ALPI: variants seen among roughly 807,000 people sequenced by gnomAD.
The protein encoded by ALPI is intestinal-type alkaline phosphatase.
Under a neutral mutation model 51.5 loss-of-function variants are expected in ALPI, and 50 were observed. The observed-to-expected ratio is 0.97, with a 90% CI of 0.77 to 1.23. The LOEUF (loss-of-function observed/expected upper bound fraction) is 1.23. ALPI is among the 50% of genes most tolerant of loss of function. The pLI, the probability that ALPI is intolerant of heterozygous loss-of-function variation, is 0.00. For synonymous variants in ALPI, 322 were observed against 308.2 expected (o/e 1.04, Z -0.47); for missense variants, 692 against 722.4 (o/e 0.96, Z 0.48).
chr2:232,457,005 G>A lies in ALPI; in HGVS notation c.407G>A (p.Arg136His), dbSNP rs780627683. ...FQTIGLSAAA[R>H]FNQCNTTRGN... ...ACCATCGGCTTGAGTGCAGCCGCCC[G>A]CTTTAACCAGTGCAACACGACACGC... is the stretch of plus-strand genomic sequence containing the variant. The change falls in exon 4 of 11, where the codon CGC becomes CAC. Residue 136 changes from arginine to histidine, a missense_variant. Coordinates refer to ENST00000295463, the MANE Select transcript of ALPI (RefSeq NM_001631.5). This position sits in a 1 kb window ranked among gnomAD's most constrained non-coding sequence, Gnocchi z 4.7. 18 of 1,613,422 alleles carry A rather than the reference G, an allele frequency of 1.1e-5. No individual in the cohort carries two copies. The Admixed American group carries it at 1.2e-4, about 10-fold the overall frequency.
chr2:232,460,682 A>G lies in ALPI; in HGVS notation c.*1536A>G, dbSNP rs1426908822. On this transcript the variant is annotated 3_prime_UTR_variant, in exon 11 of 11. Coordinates refer to ENST00000295463, the MANE Select transcript of ALPI (RefSeq NM_001631.5). The stretch of plus-strand genomic sequence containing the variant: ...AAAAAGCATCTTGCTTTTGCAAGAA[A>G]TAGTAACATCATTCAATATGCTTTC... Among the ~76,000 whole-genome samples, 1 of 152,264 alleles carries G rather than the reference A, an allele frequency of 6.6e-6. No individual in the cohort carries two copies. The highest frequency in any genetic ancestry group is 1.9e-4 in the East Asian group (1 of 5,208).
In ALPI at chr2:232,457,525, G is replaced by A. The variant is rs770181051; in HGVS notation, c.649-40G>A. The stretch of plus-strand genomic sequence containing the variant: ...TGCATGAGGAGGGGGCACGGGGCCA[G>A]CCAGGCCCCCAAACCACCTGCCCCA... On this transcript the variant is annotated intron_variant, in intron 5 of 10. Coordinates refer to ENST00000295463, the MANE Select transcript of ALPI (RefSeq NM_001631.5). This position sits in a 1 kb window ranked among gnomAD's most constrained non-coding sequence, Gnocchi z 4.7. The A allele has an allele frequency of 1.9e-6, 3 of 1,573,372 alleles. No homozygotes were observed. The highest frequency in any genetic ancestry group is 2.7e-5 in the African/African-American group (2 of 74,120).
chr2:232,457,310 C>A lies in ALPI; in HGVS notation c.636C>A (p.Asn212Lys). ...CQDIATQLIS[N>K]MDIDVILGGG... ...ACATCGCCACTCAGCTCATCTCCAA[C>A]ATGGACATTGACGTGCGACCCCCGG... Residue 212 changes from asparagine to lysine, a missense_variant, in exon 5 of 11, where the codon AAC becomes AAA. Transcript: ENST00000295463. This position sits in a 1 kb window ranked among gnomAD's most constrained non-coding sequence, Gnocchi z 4.7. 1 of 1,609,788 alleles carries A rather than the reference C, an allele frequency of 6.2e-7. No individual in the cohort carries two copies. Among genetic ancestry groups the A allele is most frequent in the Non-Finnish European group, 8.5e-7 (1 of 1,178,024 alleles).
In ALPI at chr2:232,458,365, C is replaced by T. The variant is rs780133392; in HGVS notation, c.1140C>T (p.Val380=). ...TCGTCACCGCTGACCACTCCCATGT[C>T]TTCTCCTTTGGTGGCTACACCTTGC... is the stretch of plus-strand genomic sequence containing the variant. ...LTLVTADHSH[V]FSFGGYTLRG... Residue 380 remains valine, a synonymous_variant, in exon 9 of 11, where the codon GTC becomes GTT. Transcript: ENST00000295463. The T allele has an allele frequency of 3.1e-6, 5 of 1,614,088 alleles. No homozygotes were observed. The highest frequency in any genetic ancestry group is 3.4e-6 in the Non-Finnish European group (4 of 1,180,030).
chr2:232,456,665 G>A lies in ALPI; in HGVS notation c.270G>A (p.Met90Ile). Residue 90 changes from methionine (M) to isoleucine (I), a missense_variant, in exon 3 of 11, where the codon ATG becomes ATA. Transcript: ENST00000295463. This position sits in a 1 kb window ranked among gnomAD's most constrained non-coding sequence, Gnocchi z 4.2. ...GKLGPETPLA[M>I]DRFPYLALSK... ...TGGGGCCTGAGACGCCCCTGGCCATGGACCGCTTCCCATACCTGGCTCTGT... is the reference window on the plus strand; with the variant it reads ...TGGGGCCTGAGACGCCCCTGGCCATAGACCGCTTCCCATACCTGGCTCTGT... 1 of 1,610,224 alleles carries A rather than the reference G, an allele frequency of 6.2e-7. No homozygotes were observed. Among genetic ancestry groups the A allele is most frequent in the Non-Finnish European group, 8.5e-7 (1 of 1,178,286 alleles).
Position 232,458,942 on chromosome 2 carries a change from C to T in ALPI, c.1383C>T (p.Arg461=), listed in dbSNP as rs368265920. Residue 461 remains arginine (R), a synonymous_variant, in exon 11 of 11, where the codon CGC becomes CGT. Transcript: ENST00000295463. ...GCGAAGACGTGGCGGTGTTTGCGCG[C>T]GGCCCGCAGGCGCACCTGGTGCATG... ...HGGEDVAVFA[R]GPQAHLVHGV... is the part of the protein sequence containing the mutation. The T allele has an allele frequency of 6.2e-6, 10 of 1,604,232 alleles. No homozygotes were observed. In the East Asian group the frequency reaches 6.8e-5, roughly 11 times the overall value.
At position 232,459,054 on chromosome 2, in the gene ALPI, G is replaced by T; in HGVS notation, c.1495G>T (p.Ala499Ser). 1 of 1,549,694 alleles carries T rather than the reference G, an allele frequency of 6.5e-7. No homozygotes were observed. Among genetic ancestry groups the T allele is most frequent in the South Asian group, 1.2e-5 (1 of 84,264 alleles). Residue 499 changes from alanine (A) to serine (S), a missense_variant, in exon 11 of 11, where the codon GCC becomes TCC. Ala to Ser is a moderately conservative substitution (Grantham distance 99). Coordinates refer to ENST00000295463, the MANE Select transcript of ALPI (RefSeq NM_001631.5). ...CACGGCCTGCGACCTGGCGCCTCCC[G>T]CCTGCACCACCGACGCCGCGCACCC... Reference protein sequence around the residue: ...PYTACDLAPPACTTDAAHPVA... With the variant: ...PYTACDLAPPSCTTDAAHPVA...
rs143617869 is a variant in ALPI, at chr2:232,457,612, A to G, written c.696A>G (p.Pro232=). The change falls in exon 6 of 11, where the codon CCA becomes CCG. Residue 232 remains proline (P), a synonymous_variant. Coordinates refer to ENST00000295463, the MANE Select transcript of ALPI (RefSeq NM_001631.5). This position sits in a 1 kb window ranked among gnomAD's most constrained non-coding sequence, Gnocchi z 4.7. ...AGTACATGTTTCCCATGGGGACCCC[A>G]GACCCTGAGTACCCAGCTGATGCCA... ...GRKYMFPMGT[P]DPEYPADASQ... is the part of the protein sequence containing the mutation. The G allele has an allele frequency of 6.2e-7, 1 of 1,613,904 alleles. No homozygotes were observed. Among genetic ancestry groups the G allele is most frequent in the African/African-American group, 1.3e-5 (1 of 74,938 alleles).
Position 232,456,681 on chromosome 2 carries a change from C to A in ALPI, c.286C>A (p.Leu96Met). ...TPLAMDRFPYLALSKTYNVDR... is the reference protein window; with the variant it reads ...TPLAMDRFPYMALSKTYNVDR... Reference sequence around the variant, plus strand: ...CCTGGCCATGGACCGCTTCCCATACCTGGCTCTGTCCAAGGTAAGGGCTGG... The same window carrying A: ...CCTGGCCATGGACCGCTTCCCATACATGGCTCTGTCCAAGGTAAGGGCTGG... The change falls in exon 3 of 11, where the codon CTG becomes ATG. Residue 96 changes from leucine (L) to methionine (M), a missense_variant. Leu to Met is a conservative substitution (Grantham distance 15). Coordinates refer to ENST00000295463, the MANE Select transcript of ALPI (RefSeq NM_001631.5). This position sits in a 1 kb window ranked among gnomAD's most constrained non-coding sequence, Gnocchi z 4.2. The A allele has an allele frequency of 6.2e-7, 1 of 1,604,850 alleles. No homozygotes were observed. The highest frequency in any genetic ancestry group is 2.2e-5 in the East Asian group (1 of 44,520).
chr2:232,460,489 T>A lies in ALPI; in HGVS notation c.*1343T>A, dbSNP rs1266788232. 6.6e-6 allele frequency among the ~76,000 whole-genome samples: 1 copy of A among 152,160 alleles called. No individual in the cohort carries two copies. Among genetic ancestry groups the A allele is most frequent in the Admixed American group, 6.5e-5 (1 of 15,272 alleles). Reference sequence around the variant, plus strand: ...GGGGAAGGAGCTGACTCCAGGTGTTTCTGACCTCCCTCTGAAAGTATTCTG... The same window carrying A: ...GGGGAAGGAGCTGACTCCAGGTGTTACTGACCTCCCTCTGAAAGTATTCTG... On this transcript the variant is annotated 3_prime_UTR_variant, in exon 11 of 11. Transcript: ENST00000295463.
Position 232,456,713 on chromosome 2 carries a change from T to C in ALPI, c.300+18T>C, listed in dbSNP as rs1690198749. 3 of 1,581,504 alleles carry C rather than the reference T, an allele frequency of 1.9e-6. No homozygotes were observed. Among genetic ancestry groups the C allele is most frequent in the Non-Finnish European group, 2.6e-6 (3 of 1,163,552 alleles). Reference sequence around the variant, plus strand: ...TGTCCAAGGTAAGGGCTGGGCCACCTCAGAGTCCTCCAAGCAGAGGAGAGG... The same window carrying C: ...TGTCCAAGGTAAGGGCTGGGCCACCCCAGAGTCCTCCAAGCAGAGGAGAGG... On this transcript the variant is annotated intron_variant, in intron 3 of 10. Transcript: ENST00000295463. The surrounding 1 kb of genome is among the most constrained non-coding windows in gnomAD (Gnocchi z 4.2).
Position 232,457,605 on chromosome 2 carries a change from G to C in ALPI, c.689G>C (p.Gly230Ala), listed in dbSNP as rs780434324. ...GGCCGCAAGTACATGTTTCCCATGG[G>C]GACCCCAGACCCTGAGTACCCAGCT... ...GGGRKYMFPM[G>A]TPDPEYPADA... The change falls in exon 6 of 11, where the codon GGG becomes GCG. Residue 230 changes from glycine to alanine, a missense_variant. Physicochemically the swap from Gly to Ala is moderately conservative, Grantham distance 60. Coordinates refer to ENST00000295463, the MANE Select transcript of ALPI (RefSeq NM_001631.5). The surrounding 1 kb of genome is among the most constrained non-coding windows in gnomAD (Gnocchi z 4.7). 1 of 1,613,932 alleles carries C rather than the reference G, an allele frequency of 6.2e-7. No individual in the cohort carries two copies.
chr2:232,457,126 G>T lies in ALPI; in HGVS notation c.476-24G>T, dbSNP rs2272422. 3.7e-6 allele frequency: 6 copies of T among 1,613,242 alleles called. No individual in the cohort carries two copies. Among genetic ancestry groups the T allele is most frequent in the Middle Eastern group, 1.7e-4 (1 of 6,060 alleles). On this transcript the variant is annotated intron_variant, in intron 4 of 10. Coordinates refer to ENST00000295463, the MANE Select transcript of ALPI (RefSeq NM_001631.5). This position sits in a 1 kb window ranked among gnomAD's most constrained non-coding sequence, Gnocchi z 4.7. ...GACCAGGCCCAAGATCTCGGTCACCGATCCTGACCTCTGTCACCCTCAGGA... is the reference window on the plus strand; with the variant it reads ...GACCAGGCCCAAGATCTCGGTCACCTATCCTGACCTCTGTCACCCTCAGGA...
chr2:232,460,302 G>A lies in ALPI; in HGVS notation c.*1156G>A, dbSNP rs1392857501. On this transcript the variant is annotated 3_prime_UTR_variant, in exon 11 of 11. Transcript: ENST00000295463. ...CTGAGGGGTCAGGAGAGTGGGGTGTGCATGGGGGACTGTGAAGTCTGGTTA... is the reference window on the plus strand; with the variant it reads ...CTGAGGGGTCAGGAGAGTGGGGTGTACATGGGGGACTGTGAAGTCTGGTTA... Among the ~76,000 whole-genome samples, 1 of 151,910 alleles carries A rather than the reference G, an allele frequency of 6.6e-6. No individual in the cohort carries two copies. Among genetic ancestry groups the A allele is most frequent in the Admixed American group, 6.6e-5 (1 of 15,264 alleles).
In ALPI at chr2:232,459,387, T is replaced by A; in HGVS notation, c.*241T>A. The A allele has an allele frequency of 1.8e-6, 1 of 551,052 alleles. No individual in the cohort carries two copies. The highest frequency in any genetic ancestry group is 3.1e-5 in the East Asian group (1 of 32,150). The allele number at this position is 551,052 out of a possible 1,614,324, so 34.1% of individuals were successfully genotyped here. A position where few individuals can be genotyped will look rare whatever the true frequency, so the allele number is the denominator to read the frequency against. ...GGGACTTCCAGGACCTCCCCTCAGG[T>A]TGTTCTCTGATTCTTCCTCCCAACC... On this transcript the variant is annotated 3_prime_UTR_variant, in exon 11 of 11. Coordinates refer to ENST00000295463, the MANE Select transcript of ALPI (RefSeq NM_001631.5).
chr2:232,457,680 A>G lies in ALPI; in HGVS notation c.764A>G (p.Glu255Gly), dbSNP rs751483451. The change falls in exon 6 of 11, where the codon GAA (glutamate) becomes GGA (glycine). Residue 255 changes from glutamate (E) to glycine (G), a missense_variant. Transcript: ENST00000295463. The surrounding 1 kb of genome is among the most constrained non-coding windows in gnomAD (Gnocchi z 4.7). The stretch of plus-strand genomic sequence containing the variant: ...CTGGACGGGAAGAACCTGGTGCAGG[A>G]ATGGCTGGCAAAGCACCAGGTGATG... ...IRLDGKNLVQEWLAKHQGAWY... is the reference protein window; with the variant it reads ...IRLDGKNLVQGWLAKHQGAWY... 3 of 1,613,148 alleles carry G rather than the reference A, an allele frequency of 1.9e-6. No homozygotes were observed. Among genetic ancestry groups the G allele is most frequent in the South Asian group, 2.2e-5 (2 of 91,000 alleles).
In ALPI at chr2:232,458,760, T is replaced by C. The variant is rs1690249624; in HGVS notation, c.1300+12T>C. ...TGAGAGCGAGAGCGGTGAGTGAGGC[T>C]GAATGGCCCGTGCAGGGGGACCAGG... On this transcript the variant is annotated intron_variant, in intron 10 of 10. Transcript: ENST00000295463. 21 of 1,613,468 alleles carry C rather than the reference T, an allele frequency of 1.3e-5. No homozygotes were observed. The highest frequency in any genetic ancestry group is 1.8e-5 in the Non-Finnish European group (21 of 1,179,972).
rs142255168 is a variant in ALPI, at chr2:232,457,023, C to G, written c.425C>G (p.Thr142Arg). The G allele has an allele frequency of 1.6e-5, 26 of 1,613,494 alleles. No homozygotes were observed. Among genetic ancestry groups the G allele is most frequent in the Middle Eastern group, 1.6e-4 (1 of 6,084 alleles). The part of the protein sequence containing the change: ...SAAARFNQCN[T>R]TRGNEVISVM... ...GCCGCCCGCTTTAACCAGTGCAACA[C>G]GACACGCGGCAATGAGGTCATCTCC... Residue 142 changes from threonine to arginine, a missense_variant, in exon 4 of 11, where the codon ACG becomes AGG. Coordinates refer to ENST00000295463, the MANE Select transcript of ALPI (RefSeq NM_001631.5). The surrounding 1 kb of genome is among the most constrained non-coding windows in gnomAD (Gnocchi z 4.7).
In ALPI at chr2:232,456,809, C is replaced by A; in HGVS notation, c.301-90C>A. On this transcript the variant is annotated intron_variant, in intron 3 of 10. Coordinates refer to ENST00000295463, the MANE Select transcript of ALPI (RefSeq NM_001631.5). This position sits in a 1 kb window ranked among gnomAD's most constrained non-coding sequence, Gnocchi z 4.2. Reference sequence around the variant, plus strand: ...TGGGGCCTAAGTTAGGAGCTGGGAGCAGTTAGGATCCCAGAGGACCAGAAC... The same window carrying A: ...TGGGGCCTAAGTTAGGAGCTGGGAGAAGTTAGGATCCCAGAGGACCAGAAC... 6.4e-7 allele frequency: 1 copy of A among 1,567,120 alleles called. No homozygotes were observed. Among genetic ancestry groups the A allele is most frequent in the Middle Eastern group, 1.7e-4 (1 of 5,922 alleles).
Sources: gnomAD v4.1 joint callset for allele counts (sites outside exome capture counted in the v4.1 genomes callset) on GRCh38, gnomAD v4.1.1 for gene constraint, Gnocchi (gnomAD v3.1) non-coding constraint, MANE v1.5 for transcripts, NCBI Gene and HGNC (gene_info 2026-07-23, HGNC 2026-07-21) for gene names.